The following SLC25A25 variants were observed in gnomAD, a reference collection of about 807,000 sequenced individuals.
The protein encoded by SLC25A25 is solute carrier family 25 member 25.
In SLC25A25, 32 loss-of-function variants were observed where a neutral mutation model predicts 57.7. The observed-to-expected ratio is 0.55, with a 90% confidence interval of 0.42 to 0.74. The LOEUF (loss-of-function observed/expected upper bound fraction) is 0.74. Ranked by LOEUF, SLC25A25 falls within the 30% of genes least tolerant of loss-of-function variation. The pLI is 0.00. For synonymous variants in SLC25A25, 306 were observed against 291.2 expected, an observed-to-expected ratio of 1.05 and a Z score of -0.52; for missense variants, 556 against 701.3, an observed-to-expected ratio of 0.79 and a Z score of 2.34.
At position 128,101,795 on chromosome 9, in the gene SLC25A25, G is replaced by A. The variant is rs914828844; in HGVS notation, c.477-285G>A. 2.0e-5 allele frequency among the ~76,000 whole-genome samples: 3 copies of A among 152,162 alleles called. No homozygotes were observed. Among genetic ancestry groups the A allele is most frequent in the Admixed American group, 6.5e-5 (1 of 15,276 alleles). ...TGCACTTAACACTTTAGTCAGAGGC[G>A]CTGCCCCAAAAGATAGCTCCCTGGT... is the stretch of plus-strand genomic sequence containing the variant. On this transcript the variant is annotated intron_variant, in intron 3 of 10. Transcript: ENST00000373069. This position sits in a 1 kb window ranked among gnomAD's most constrained non-coding sequence, Gnocchi z 4.9.
At chr9:128,106,805 C>T (rs947361308) in intron 9 of SLC25A25, among the ~76,000 whole-genome samples, 2 of 152,160 alleles carry the variant, frequency 1.3e-5, no homozygotes, top group African/African-American at 4.8e-5. Context: ...ACACTCTAGA[C>T]AGACCCCAGA....
rs773840302 is a variant in SLC25A25 at position 128,102,496 on chromosome 9, C to T, written c.624+15C>T. ...AGCATTCCACGGTGAGCCCCACGTGCCCAGGGCCCTCATCTGCTCCCAGGG... is the reference window on the plus strand; with the variant it reads ...AGCATTCCACGGTGAGCCCCACGTGTCCAGGGCCCTCATCTGCTCCCAGGG... On this transcript the variant is annotated intron_variant, in intron 5 of 10. Transcript: ENST00000373069. The surrounding 1 kb of genome is among the most constrained non-coding windows in gnomAD (Gnocchi z 4.1). 3 of 1,601,078 alleles carry T rather than the reference C, an allele frequency of 1.9e-6. No homozygotes were observed. Among genetic ancestry groups the T allele is most frequent in the Non-Finnish European group, 2.6e-6 (3 of 1,169,332 alleles).
rs1268828344 is a variant in SLC25A25, at chr9:128,103,645, G to T, written c.625-36G>T. On this transcript the variant is annotated intron_variant, in intron 5 of 10. Coordinates refer to ENST00000373069, the MANE Select transcript of SLC25A25 (RefSeq NM_001330988.2). This position sits in a 1 kb window ranked among gnomAD's most constrained non-coding sequence, Gnocchi z 6.7. ...CAGGTGCCAGCAGCCTTGCCCCAAG[G>T]GTCCTGAGTCAGGCTTGTGCCATCT... 1 of 1,614,002 alleles carries T rather than the reference G, an allele frequency of 6.2e-7. No homozygotes were observed. The highest frequency in any genetic ancestry group is 8.5e-7 in the Non-Finnish European group (1 of 1,179,940).
intron 1 of SLC25A25, among the ~76,000 whole-genome samples, chr9:128,078,038 AAG>A (rs947130235): frequency 2.1e-4 from 32 of 151,892 alleles, no homozygotes; most frequent in African/African-American, 7.5e-4. Context: ...AAAAAAAAAA[AAG>A]GGTGATTTGT....
At chr9:128,081,977 G>T (rs1023425952) in intron 1 of SLC25A25, among the ~76,000 whole-genome samples, 2 of 152,096 alleles carry the variant, frequency 1.3e-5, no homozygotes, top group African/African-American at 4.8e-5. Context: ...TGTAGAACTT[G>T]ACTTGTTACA....
intron 1 of SLC25A25, among the ~76,000 whole-genome samples, chr9:128,069,703 C>T (rs2130778579): frequency 6.6e-6 from 1 of 152,308 alleles, no homozygotes; most frequent in South Asian, 2.1e-4. Flanking sequence ...CCAAGAGTAA[C>T]ACTACGCAAG....
rs1169995097 is a variant in SLC25A25 at position 128,099,076 on chromosome 9, C to T, written c.262-2020C>T. 3.0e-6 allele frequency: 3 copies of T among 985,206 alleles called. No homozygotes were observed. The African/African-American group carries it at 5.2e-5, about 17-fold the overall frequency. 61.0% of individuals were successfully genotyped at this position (985,206 alleles called of 1,614,324 possible). A position where few individuals can be genotyped will look rare whatever the true frequency, so the allele number is the denominator to read the frequency against. ...GCATGGGAGGAGAAGGCAGGGAGGC[C>T]CAGGAGTTGAGGGTGCTGCGTGGTG... On this transcript the variant is annotated intron_variant, in intron 1 of 10. Transcript: ENST00000373069. The surrounding 1 kb of genome is among the most constrained non-coding windows in gnomAD (Gnocchi z 6.8).
Position 128,103,928 on chromosome 9 carries a change from G to A in SLC25A25, c.783+89G>A, listed in dbSNP as rs2130823166. 7.2e-7 allele frequency: 1 copy of A among 1,383,038 alleles called. No homozygotes were observed. 85.7% of individuals were successfully genotyped at this position (1,383,038 alleles called of 1,614,324 possible). A position where few individuals can be genotyped will look rare whatever the true frequency, so the allele number is the denominator to read the frequency against. On this transcript the variant is annotated intron_variant, in intron 6 of 10. Transcript: ENST00000373069. The surrounding 1 kb of genome is among the most constrained non-coding windows in gnomAD (Gnocchi z 6.7). ...CTAGTTTTCCCTTTCTCTGGCTGGT[G>A]CCTGCTTTGGGCCCAAACTTTTCTA...
rs528213954 is a variant in SLC25A25 at position 128,108,546 on chromosome 9, CCTAA to C, written c.*1106_*1109del. The C allele has an allele frequency of 6.4e-5, 19 of 297,560 alleles. No homozygotes were observed. Among genetic ancestry groups the C allele is most frequent in the Admixed American group, 6.1e-4 (12 of 19,658 alleles). 18.4% of individuals were successfully genotyped at this position (297,560 alleles called of 1,614,324 possible). A position where few individuals can be genotyped will look rare whatever the true frequency, so the allele number is the denominator to read the frequency against. On this transcript the variant is annotated 3_prime_UTR_variant, in exon 11 of 11. Coordinates refer to ENST00000373069, the MANE Select transcript of SLC25A25 (RefSeq NM_001330988.2). ...TGTATTTATTTGAACAGAGTTATGT[CCTAA>C]CTATTTTTATAGATTTGTTTAATTA...
At chr9:128,088,372 C>T (rs577930174) in intron 1 of SLC25A25, among the ~76,000 whole-genome samples, 1 of 152,178 alleles carries the variant, frequency 6.6e-6, no homozygotes, top group African/African-American at 2.4e-5. Context: ...CCCACCCATG[C>T]GCTGTGACTC....
intron 1 of SLC25A25, among the ~76,000 whole-genome samples, chr9:128,068,795 C>G (rs1057474883): frequency 6.6e-6 from 1 of 152,216 alleles, no homozygotes; most frequent in Admixed American, 6.5e-5. Context: ...TTCGTGGACA[C>G]AGGTGGGCAT....
At chr9:128,094,338 G>A (rs545702021) in intron 1 of SLC25A25, 1 of 152,294 alleles carries the variant, frequency 6.6e-6, no homozygotes, top group Admixed American at 6.5e-5. Context: ...AGTTGGAGAA[G>A]AAAGCCATTA....
Position 128,107,062 on chromosome 9 carries a change from G to A in SLC25A25, c.1246G>A (p.Val416Met). Residue 416 changes from valine to methionine, a missense_variant, in exon 10 of 11, where the codon GTG becomes ATG. Coordinates refer to ENST00000373069, the MANE Select transcript of SLC25A25 (RefSeq NM_001330988.2). Reference protein sequence around the residue: ...LKNAWLQHYAVNSADPGVFVL... With the variant: ...LKNAWLQHYAMNSADPGVFVL... ...GAATGCCTGGCTGCAGCACTATGCA[G>A]TGAACAGCGCGGACCCCGGCGTGTT... 1 of 1,614,156 alleles carries A rather than the reference G, an allele frequency of 6.2e-7. No individual in the cohort carries two copies. The highest frequency in any genetic ancestry group is 8.5e-7 in the Non-Finnish European group (1 of 1,180,032).
At chr9:128,096,008 A>G (rs1006993475) in intron 1 of SLC25A25, among the ~76,000 whole-genome samples, 3 of 152,212 alleles carry the variant, frequency 2.0e-5, no homozygotes, top group Non-Finnish European at 2.9e-5. Context: ...TTGCTTTTTT[A>G]TATTAGAATG....
intron 8 of SLC25A25, 30 bp downstream of exon 8, chr9:128,106,287 C>G (rs893040800): frequency 3.9e-5 from 63 of 1,613,888 alleles, no homozygotes; most frequent in Non-Finnish European, 4.7e-5. Context: ...CTGGGGCGGG[C>G]AGTGGGCACA....
Position 128,109,107 on chromosome 9 carries a change from C to G in SLC25A25, c.*1663C>G, listed in dbSNP as rs1834170660. Reference sequence around the variant, plus strand: ...CAGAATGACCTGATGAGGAAATCTTCAATAGGATGCAAAGATCAATGCAAA... The same window carrying G: ...CAGAATGACCTGATGAGGAAATCTTGAATAGGATGCAAAGATCAATGCAAA... On this transcript the variant is annotated 3_prime_UTR_variant, in exon 11 of 11. Transcript: ENST00000373069. The G allele has an allele frequency of 6.6e-6, 1 of 152,474 alleles. No individual in the cohort carries two copies. The highest frequency in any genetic ancestry group is 2.4e-5 in the African/African-American group (1 of 41,406). The allele number at this position is 152,474 out of a possible 1,614,324, so 9.4% of individuals were successfully genotyped here. A position where few individuals can be genotyped will look rare whatever the true frequency, so the allele number is the denominator to read the frequency against.
intron 1 of SLC25A25, among the ~76,000 whole-genome samples, chr9:128,086,553 G>A (rs1010566071): frequency 1.2e-4 from 19 of 152,046 alleles, no homozygotes; most frequent in Non-Finnish European, 2.4e-4. Context: ...GGCTGGTCTC[G>A]AACTCCCGAC....
At chr9:128,079,603 C>CG (rs1833097594) in intron 1 of SLC25A25, among the ~76,000 whole-genome samples, 1 of 48,058 alleles carries the variant, frequency 2.1e-5, no homozygotes, top group African/African-American at 6.5e-5. Flanking sequence ...ACTAAAAATA[C>CG]AAAAAAAAAA....
chr9:128,070,492 C>T (rs1420192995), intron 1 of SLC25A25, among the ~76,000 whole-genome samples: 2 of 151,556 alleles, frequency 1.3e-5, no homozygotes, highest in South Asian at 4.2e-4. Flanking sequence ...CCACCTGCCT[C>T]GGCCTCCCAA....
Sources: allele counts gnomAD v4.1 joint callset (sites outside exome capture counted in the v4.1 genomes callset), GRCh38; gene constraint gnomAD v4.1.1; non-coding constraint Gnocchi (gnomAD v3.1); transcripts MANE v1.5; gene names NCBI Gene and HGNC (gene_info 2026-07-23, HGNC 2026-07-21).